The following GMPR variants were observed in gnomAD, a reference collection of about 807,000 sequenced individuals.
The protein encoded by GMPR is GMP reductase 1.
GMPR carries 31 observed loss-of-function variants against 38.4 expected under a neutral mutation model. That is an observed-to-expected ratio of 0.81 (90% confidence interval 0.61 to 1.09). The LOEUF (loss-of-function observed/expected upper bound fraction) is 1.09. Among genes scored for constraint, GMPR ranks in the 50% least tolerant of loss-of-function variants. The pLI, the probability that GMPR is intolerant of heterozygous loss-of-function variation, is 0.00. For synonymous variants in GMPR, 162 were observed against 173.3 expected (o/e 0.93, Z 0.51); for missense variants, 468 against 453.7 (o/e 1.03, Z -0.29).
chr6:16,295,491 T>C lies in GMPR; in HGVS notation c.*305T>C. Reference sequence around the variant, plus strand: ...TTCTCTCTCCCTTTCTTTGTTTTTCTTTCTTTTTTAAAAGAAGATGGTTTC... The same window carrying C: ...TTCTCTCTCCCTTTCTTTGTTTTTCCTTCTTTTTTAAAAGAAGATGGTTTC... On this transcript the variant is annotated 3_prime_UTR_variant, in exon 9 of 9. Transcript: ENST00000259727. 3.7e-6 allele frequency: 1 copy of C among 266,756 alleles called. No homozygotes were observed. The highest frequency in any genetic ancestry group is 7.0e-6 in the Non-Finnish European group (1 of 143,422). 16.5% of individuals were successfully genotyped at this position (266,756 alleles called of 1,614,324 possible).
At chr6:16,266,410 A>G (rs990167605) in intron 4 of GMPR, among the ~76,000 whole-genome samples, 1 of 114,760 alleles carries the variant, frequency 8.7e-6, no homozygotes, top group Non-Finnish European at 1.7e-5. Context: ...TAAGAGCTGT[A>G]ACACTCACTG....
At chr6:16,272,510 C>A (rs569821606) in intron 4 of GMPR, among the ~76,000 whole-genome samples, 1 of 152,226 alleles carries the variant, frequency 6.6e-6, no homozygotes, top group Non-Finnish European at 1.5e-5. Flanking sequence ...GATGTTTTCT[C>A]TACAGTATTT....
intron 4 of GMPR, among the ~76,000 whole-genome samples, chr6:16,266,566 G>T (rs970027641): frequency 1.3e-5 from 2 of 151,500 alleles, no homozygotes; most frequent in Non-Finnish European, 2.9e-5. Flanking sequence ...ACTTTGGGAG[G>T]CCGAGATGGG....
intron 1 of GMPR, among the ~76,000 whole-genome samples, chr6:16,240,877 A>G (rs1758635833): frequency 6.6e-6 from 1 of 152,096 alleles, no homozygotes; most frequent in African/African-American, 2.4e-5. Context: ...GACTCAGGTT[A>G]ACCAGCATTG....
At chr6:16,250,514 G>C (rs1398315192) in intron 3 of GMPR, 147 bp downstream of exon 3, 2 of 640,482 alleles carry the variant, frequency 3.1e-6, no homozygotes, top group Admixed American at 5.1e-5. Context: ...GATTTGCTGA[G>C]AAAACTTGTT....
intron 4 of GMPR, among the ~76,000 whole-genome samples, chr6:16,261,055 G>T (rs185630444): frequency 7.9e-5 from 12 of 152,018 alleles, no homozygotes; most frequent in South Asian, 2.1e-4. Context: ...GCCTCTAAAA[G>T]TATTAGGACG....
At chr6:16,238,997 C>T (rs66929956) in intron 1 of GMPR, among the ~76,000 whole-genome samples, 17,262 of 152,062 alleles carry the variant, frequency 0.11, 995 homozygotes, top group Admixed American at 0.15. Context: ...ACACGTCGGT[C>T]CCGTTGGGTG....
At chr6:16,290,214 C>CA in intron 7 of GMPR, 2 of 485,954 alleles carry the variant, frequency 4.1e-6, no homozygotes, top group Admixed American at 3.1e-5. Flanking sequence ...CAGCATGGTC[C>CA]AGTATATGGG....
intron 2 of GMPR, among the ~76,000 whole-genome samples, chr6:16,249,166 A>ATTTTTTTTTTTTTTTTTTTTTTTTTTT (rs11292107): frequency 1.0e-5 from 1 of 96,468 alleles, no homozygotes; most frequent in African/African-American, 4.5e-5. Flanking sequence ...ACATTTTGTA[A>ATTTTTTTTTTTTTTTTTTTTTTTTTTT]TTTTTTTTTT....
At chr6:16,281,305 A>G (rs1759568298) in intron 6 of GMPR, among the ~76,000 whole-genome samples, 1 of 152,138 alleles carries the variant, frequency 6.6e-6, no homozygotes, top group Admixed American at 6.5e-5. Flanking sequence ...GTAGAGGCTC[A>G]GCATACGCTG....
At position 16,238,685 on chromosome 6, in the gene GMPR, C is replaced by T. The variant is rs1758584270; in HGVS notation, c.-9C>T. The T allele has an allele frequency of 2.2e-6, 3 of 1,374,340 alleles. No homozygotes were observed. Among genetic ancestry groups the T allele is most frequent in the Non-Finnish European group, 2.9e-6 (3 of 1,044,990 alleles). The allele number at this position is 1,374,340 out of a possible 1,614,324, so 85.1% of individuals were successfully genotyped here. A position where few individuals can be genotyped will look rare whatever the true frequency, so the allele number is the denominator to read the frequency against. ...CGTCGCCGCCGCCGCAGCCAGGAGC[C>T]GCTGCACCATGCCCCGCATAGATGC... is the stretch of plus-strand genomic sequence containing the variant. On this transcript the variant is annotated 5_prime_UTR_variant, in exon 1 of 9. Transcript: ENST00000259727.
chr6:16,244,610 G>A (rs1329356770), intron 1 of GMPR, among the ~76,000 whole-genome samples: 5 of 152,098 alleles, frequency 3.3e-5, no homozygotes, highest in African/African-American at 1.2e-4. Context: ...GGTGGGGGAG[G>A]GGACTTTGTT....
At chr6:16,274,223 T>C (rs1759435343) in intron 4 of GMPR, among the ~76,000 whole-genome samples, 192 bp from the exon 5 acceptor site, 1 of 152,214 alleles carries the variant, frequency 6.6e-6, no homozygotes, top group East Asian at 1.9e-4. Flanking sequence ...CTGTATCTTC[T>C]CATGCCAACA....
chr6:16,269,832 T>G (rs1759346964), intron 4 of GMPR, among the ~76,000 whole-genome samples: 1 of 152,194 alleles, frequency 6.6e-6, no homozygotes, highest in East Asian at 1.9e-4. Flanking sequence ...ATCAGAAGTT[T>G]ATTTTCACAG....
At position 16,290,483 on chromosome 6, in the gene GMPR, T is replaced by C. The variant is rs755051255; in HGVS notation, c.719T>C (p.Met240Thr). 1.7e-5 allele frequency: 28 copies of C among 1,614,006 alleles called. No individual in the cohort carries two copies. The highest frequency in any genetic ancestry group is 2.3e-5 in the Non-Finnish European group (27 of 1,179,984). Residue 240 changes from methionine (M) to threonine (T), a missense_variant, in exon 8 of 9, where the codon ATG (methionine) becomes ACG (threonine). Transcript: ENST00000259727. ...KAFGAGADFV[M>T]LGGMFSGHTE... Reference sequence around the variant, plus strand: ...TTAGGAGCTGGAGCAGATTTTGTCATGCTGGGAGGAATGTTTTCGGGTCAT... The same window carrying C: ...TTAGGAGCTGGAGCAGATTTTGTCACGCTGGGAGGAATGTTTTCGGGTCAT...
intron 4 of GMPR, among the ~76,000 whole-genome samples, chr6:16,273,746 A>G (rs948025431): frequency 2.0e-5 from 3 of 151,778 alleles, no homozygotes; most frequent in African/African-American, 7.3e-5. Flanking sequence ...TTTGCCCAAC[A>G]CTAAAGATAT....
At chr6:16,263,319 G>C (rs1759123400) in intron 4 of GMPR, 1 of 151,936 alleles carries the variant, frequency 6.6e-6, no homozygotes, top group South Asian at 2.1e-4. Context: ...CGGCTATTTG[G>C]AACTACTGTC....
chr6:16,265,844 C>T (rs1313522829), intron 4 of GMPR, among the ~76,000 whole-genome samples: 2 of 152,058 alleles, frequency 1.3e-5, no homozygotes, highest in East Asian at 1.9e-4. Context: ...TCTTCGTTCG[C>T]TTGCTGCTGC....
At chr6:16,277,685 A>G (rs909316491) in intron 5 of GMPR, among the ~76,000 whole-genome samples, 14 of 152,324 alleles carry the variant, frequency 9.2e-5, no homozygotes, top group African/African-American at 2.9e-4. Context: ...GACCCTTAAC[A>G]TTCTCACACA....
Sources: allele counts gnomAD v4.1 joint callset (sites outside exome capture counted in the v4.1 genomes callset), GRCh38; gene constraint gnomAD v4.1.1; transcripts MANE v1.5; gene names NCBI Gene and HGNC (gene_info 2026-07-23, HGNC 2026-07-21).